The following TLE2 variants were observed in gnomAD, a reference collection of about 807,000 sequenced individuals.
The protein encoded by TLE2 is transducin-like enhancer protein 2.
In TLE2, 74 loss-of-function variants were observed where a neutral mutation model predicts 97.2. The ratio of observed to expected loss-of-function variants is 0.76; its 90% confidence interval spans 0.63 to 0.92. The LOEUF (loss-of-function observed/expected upper bound fraction) is 0.92, where lower values mean the gene tolerates loss of function less well. Ranked by LOEUF, TLE2 falls within the 40% of genes least tolerant of loss-of-function variation. The pLI is 0.00. For missense variants in TLE2, 1,038 were observed against 1,008.7 expected (o/e 1.03, Z -0.39); for synonymous variants, 499 against 432.1 (o/e 1.15, Z -1.92).
chr19:3,000,707 G>C lies in TLE2; in HGVS notation c.2064C>G (p.Ser688Arg). The C allele has an allele frequency of 1.3e-6, 2 of 1,590,818 alleles. No individual in the cohort carries two copies. Among genetic ancestry groups the C allele is most frequent in the Non-Finnish European group, 1.7e-6 (2 of 1,168,958 alleles). The change falls in exon 19 of 20, where the codon AGC (serine) becomes AGG (arginine). Residue 688 changes from serine to arginine, a missense_variant. Ser to Arg is a moderately radical substitution (Grantham distance 110). Transcript: ENST00000262953. ...KFASCGRWFV[S>R]TGKDNLLNAW... ...CGTTGAGCAGGTTGTCCTTCCCGGT[G>C]CTCACAAACCACCGTCCTTGGGGAA...
At chr19:3,043,981 C>A (rs375810231) in intron 1 of TLE2, among the ~76,000 whole-genome samples, 6 of 151,634 alleles carry the variant, frequency 4.0e-5, no homozygotes, top group African/African-American at 1.5e-4. Flanking sequence ...AAGACTCTGT[C>A]TCAAAAACAA....
chr19:3,043,879 G>T (rs2090123314), intron 1 of TLE2, among the ~76,000 whole-genome samples: 1 of 152,074 alleles, frequency 6.6e-6, no homozygotes, highest in African/African-American at 2.4e-5. Flanking sequence ...AGTTACTCGG[G>T]AGGCTGAGGC....
chr19:3,043,855 G>A (rs1415987970), intron 1 of TLE2, among the ~76,000 whole-genome samples: 1 of 151,594 alleles, frequency 6.6e-6, no homozygotes, highest in African/African-American at 2.4e-5. Flanking sequence ...ATGGTGGCGG[G>A]GGCCTGTAAT....
upstream of TLE2, chr19:3,045,891 C>G (rs2090137916): frequency 3.0e-6 from 1 of 330,440 alleles, no homozygotes; most frequent in Non-Finnish European, 6.2e-6. Context: ...GATTCCCTGG[C>G]TCTGTGACCA....
chr19:3,044,693 T>G (rs928808786), intron 1 of TLE2, among the ~76,000 whole-genome samples: 14 of 152,202 alleles, frequency 9.2e-5, no homozygotes, highest in Non-Finnish European at 1.3e-4. Context: ...GCGCTGGGAT[T>G]ACAGGCGTGA....
chr19:3,026,228 C>A (rs112804466), intron 4 of TLE2, among the ~76,000 whole-genome samples: 8,733 of 152,038 alleles, frequency 0.057, 288 homozygotes, highest in South Asian at 0.088. Context: ...AGGTGGATCA[C>A]CTGAGGTCAG....
intron 13 of TLE2, 108 bp from the exon 14 acceptor site, chr19:3,009,053 G>A: frequency 1.2e-6 from 1 of 839,074 alleles, no homozygotes; most frequent in African/African-American, 1.7e-5. Context: ...CCCTCCCCAA[G>A]GCAGCAGAGA....
chr19:3,015,680 T>TGCTCTCTG lies in TLE2; in HGVS notation c.643_650dup (p.Asp218ArgfsTer77), dbSNP rs1436627578. 3.7e-6 allele frequency: 6 copies of TGCTCTCTG among 1,610,832 alleles called. No homozygotes were observed. Among genetic ancestry groups the TGCTCTCTG allele is most frequent in the Admixed American group, 1.7e-5 (1 of 59,686 alleles). On this transcript the variant is annotated frameshift_variant, in exon 9 of 20. Coordinates refer to ENST00000262953, the MANE Select transcript of TLE2 (RefSeq NM_003260.5). LOFTEE classifies it high-confidence loss of function. ...AAGGTCCTGATGGCTCCTTCTCATC[T>TGCTCTCTG]GCTCTCTGCTTCCCGCCACCACCAG...
In TLE2 at chr19:3,002,420, G is replaced by C. The variant is rs768855492; in HGVS notation, c.1980C>G (p.Arg660=). The part of the protein sequence containing the change: ...ESSNVEILHV[R]KPEKYQLHLH... Reference sequence around the variant, plus strand: ...GGTGCAGCTGGTATTTCTCCGGCTTGCGGACGTGCAGGATCTCCACGTTGC... The same window carrying C: ...GGTGCAGCTGGTATTTCTCCGGCTTCCGGACGTGCAGGATCTCCACGTTGC... The change falls in exon 18 of 20, where the codon CGC becomes CGG. Residue 660 remains arginine (R), a synonymous_variant. Transcript: ENST00000262953. The C allele has an allele frequency of 1.2e-6, 2 of 1,613,398 alleles. No individual in the cohort carries two copies. The highest frequency in any genetic ancestry group is 8.5e-7 in the Non-Finnish European group (1 of 1,179,786).
Position 3,009,693 on chromosome 19 carries a change from C to T in TLE2, c.1022G>A (p.Ser341Asn). The T allele has an allele frequency of 1.2e-6, 2 of 1,610,666 alleles. No individual in the cohort carries two copies. The highest frequency in any genetic ancestry group is 1.7e-6 in the Non-Finnish European group (2 of 1,178,698). Reference sequence around the variant, plus strand: ...GAAGGGACTGGACAGAGTCAGGGGGCTCCTCAGGGCTGAGACGGAAGAGTC... The same window carrying T: ...GAAGGGACTGGACAGAGTCAGGGGGTTCCTCAGGGCTGAGACGGAAGAGTC... ...APSTDSVALR[S>N]PLTLSSPFTT... is the part of the protein sequence containing the mutation. Residue 341 changes from serine to asparagine, a missense_variant, in exon 13 of 20, where the codon AGC (serine) becomes AAC (asparagine). Physicochemically the swap from Ser to Asn is conservative, Grantham distance 46. Coordinates refer to ENST00000262953, the MANE Select transcript of TLE2 (RefSeq NM_003260.5).
rs2089688254 is a variant in TLE2 at position 3,015,740 on chromosome 19, A to G, written c.591T>C (p.Pro197=). 2 of 1,609,610 alleles carry G rather than the reference A, an allele frequency of 1.2e-6. No individual in the cohort carries two copies. The highest frequency in any genetic ancestry group is 4.5e-5 in the East Asian group (2 of 44,742). ...APSRSASPSP[P]ESLVEEERPS... Reference sequence around the variant, plus strand: ...GTCGCTCCTCCTCCACGAGACTCTCAGGGGGCGAGGGAGATGCACTCTGCG... The same window carrying G: ...GTCGCTCCTCCTCCACGAGACTCTCGGGGGGCGAGGGAGATGCACTCTGCG... Residue 197 remains proline, a synonymous_variant, in exon 9 of 20, where the codon CCT becomes CCC. Transcript: ENST00000262953.
At chr19:3,040,232 T>C (rs2090090150) in intron 1 of TLE2, among the ~76,000 whole-genome samples, 1 of 152,158 alleles carries the variant, frequency 6.6e-6, no homozygotes, top group African/African-American at 2.4e-5. Context: ...CCTGGAGAGC[T>C]CATTGCTGGG....
Position 3,028,943 on chromosome 19 carries a change from T to G in TLE2, c.-39A>C. 6.2e-7 allele frequency: 1 copy of G among 1,602,904 alleles called. No homozygotes were observed. The highest frequency in any genetic ancestry group is 2.2e-5 in the East Asian group (1 of 44,758). ...AAAGCCCCCCAGGCGCCACCAGAGC[T>G]TGATGATATGGAGGCGGCAAGAGTG... On this transcript the variant is annotated 5_prime_UTR_variant, in exon 1 of 20. Coordinates refer to ENST00000262953, the MANE Select transcript of TLE2 (RefSeq NM_003260.5).
chr19:3,030,323 C>T (rs991020795), upstream of TLE2, among the ~76,000 whole-genome samples: 4 of 152,232 alleles, frequency 2.6e-5, no homozygotes, highest in Non-Finnish European at 4.4e-5. Context: ...AAGGCTCCAG[C>T]CCCGACCAGA....
intron 1 of TLE2, among the ~76,000 whole-genome samples, chr19:3,034,658 T>C (rs1197515129): frequency 6.6e-6 from 1 of 151,852 alleles, no homozygotes; most frequent in Admixed American, 6.6e-5. Flanking sequence ...TCCTGTCTTC[T>C]TCGCCTCCTG....
intron 1 of TLE2, among the ~76,000 whole-genome samples, chr19:3,039,061 TAA>T (rs370737662): frequency 1.6e-5 from 2 of 121,512 alleles, no homozygotes; most frequent in Non-Finnish European, 1.8e-5. Context: ...AAATAAAAAT[TAA>T]AAAAAAAAAA....
At chr19:3,018,007 G>A (rs2089751858) in intron 7 of TLE2, 148 bp from the exon 8 acceptor site, 4 of 640,570 alleles carry the variant, frequency 6.2e-6, no homozygotes, top group Non-Finnish European at 1.1e-5. Flanking sequence ...CAACACCCTT[G>A]CAAGTGGTGG....
intron 19 of TLE2, among the ~76,000 whole-genome samples, chr19:2,999,736 A>G (rs978582925): frequency 2.2e-5 from 3 of 135,806 alleles, no homozygotes; most frequent in South Asian, 4.6e-4. Context: ...CAAAAAAAAA[A>G]AAAGAAAGAA....
chr19:3,045,645 C>T (rs927254616), intron 1 of TLE2: 1 of 380,160 alleles, frequency 2.6e-6, no homozygotes, highest in South Asian at 1.9e-5. Context: ...GGTGAAACCA[C>T]CCCCCACCCC....
Sources: allele counts gnomAD v4.1 joint callset (sites outside exome capture counted in the v4.1 genomes callset), GRCh38; gene constraint gnomAD v4.1.1; transcripts MANE v1.5; gene names NCBI Gene and HGNC (gene_info 2026-07-23, HGNC 2026-07-21).